Variants in ATR observed in about 807,000 individuals in gnomAD.
ATR encodes ATR checkpoint kinase, also known as serine/threonine-protein kinase ATR.
ATR carries 142 observed loss-of-function variants against 305.3 expected under a neutral mutation model. The ratio of observed to expected loss-of-function variants is 0.47; its 90% CI spans 0.41 to 0.53. The LOEUF is 0.53. ATR is among the 20% of genes least tolerant of loss of function. ATR has a pLI of 0.00. For synonymous variants in ATR, 1,050 were observed against 1,068.1 expected (o/e 0.98, Z 0.33); for missense variants, 2,135 against 3,133.1 (o/e 0.68, Z 7.60).
chr3:142,570,756 G>A (rs2035233700), intron 1 of ATR, among the ~76,000 whole-genome samples: 1 of 152,144 alleles, frequency 6.6e-6, no homozygotes, highest in African/African-American at 2.4e-5. Flanking sequence ...ATGCCTTTTG[G>A]ACTTTTAAAA....
chr3:142,568,103 C>T lies in ATR; in HGVS notation c.111G>A (p.Leu37=). Reference sequence around the variant, plus strand: ...TAAGTATCCGGTCAATGAATTGACACAGAATTTGTCTTGGCTTCTGTACAA... The same window carrying T: ...TAAGTATCCGGTCAATGAATTGACATAGAATTTGTCTTGGCTTCTGTACAA... ...NTVVQKPRQI[L]CQFIDRILTD... The change falls in exon 2 of 47, where the codon CTG becomes CTA. Residue 37 remains leucine, a synonymous_variant. Coordinates refer to ENST00000350721, the MANE Select transcript of ATR (RefSeq NM_001184.4). 1 of 1,612,640 alleles carries T rather than the reference C, an allele frequency of 6.2e-7. No individual in the cohort carries two copies. The highest frequency in any genetic ancestry group is 1.1e-5 in the South Asian group (1 of 90,806).
At chr3:142,512,230 A>G in intron 27 of ATR, 30 bp downstream of exon 27, 1 of 1,541,684 alleles carries the variant, frequency 6.5e-7, no homozygotes, top group Non-Finnish European at 8.8e-7. Flanking sequence ...TAAAAAAAAA[A>G]AAAAAAAAGA....
chr3:142,471,486 A>G (rs899058383), intron 36 of ATR, among the ~76,000 whole-genome samples: 26 of 152,204 alleles, frequency 1.7e-4, no homozygotes, highest in Admixed American at 1.5e-3. Flanking sequence ...TTCTACAACT[A>G]TAGAAGAAGT....
At chr3:142,506,032 A>C (rs2032217488) in intron 28 of ATR, among the ~76,000 whole-genome samples, 2 of 152,240 alleles carry the variant, frequency 1.3e-5, no homozygotes, top group South Asian at 2.1e-4. Flanking sequence ...AGGGCTGGGA[A>C]AAATTTACTG....
chr3:142,527,827 TC>T (rs1262675238), intron 21 of ATR, among the ~76,000 whole-genome samples: 2 of 152,210 alleles, frequency 1.3e-5, no homozygotes, highest in African/African-American at 4.8e-5. Context: ...CTATTTAATT[TC>T]AGAACATTTT....
At chr3:142,561,546 A>G in intron 4 of ATR, 125 bp from the exon 5 acceptor site, 1 of 953,066 alleles carries the variant, frequency 1.0e-6, no homozygotes, top group South Asian at 1.6e-5. Context: ...AGTCTCATAA[A>G]GCAAAATAAA....
At chr3:142,501,146 C>A (rs1175965636) in intron 30 of ATR, among the ~76,000 whole-genome samples, 2 of 152,064 alleles carry the variant, frequency 1.3e-5, no homozygotes, top group African/African-American at 4.8e-5. Context: ...GACACAGCAC[C>A]CCTTCATTGA....
At chr3:142,508,536 T>C (rs188220938) in intron 27 of ATR, among the ~76,000 whole-genome samples, 20 of 152,278 alleles carry the variant, frequency 1.3e-4, no homozygotes, top group African/African-American at 4.6e-4. Flanking sequence ...ACTTCAAAAC[T>C]ATGGAAATAA....
chr3:142,560,475 G>A (rs899686323), intron 5 of ATR, 21 bp from the exon 6 acceptor site: 2 of 1,557,468 alleles, frequency 1.3e-6, no homozygotes, highest in Non-Finnish European at 1.8e-6. Flanking sequence ...GAATATAGTA[G>A]AGAGATATTC....
At chr3:142,540,388 T>C (rs939214041) in intron 18 of ATR, among the ~76,000 whole-genome samples, 4 of 152,196 alleles carry the variant, frequency 2.6e-5, no homozygotes, top group Non-Finnish European at 5.9e-5. Flanking sequence ...TCTGGTCATA[T>C]ACAACATAAT....
intron 42 of ATR, among the ~76,000 whole-genome samples, chr3:142,461,025 C>T (rs1204956569): frequency 6.6e-6 from 1 of 152,140 alleles, no homozygotes; most frequent in African/African-American, 2.4e-5. Flanking sequence ...TCCAGGATTA[C>T]ACATTACATT....
intron 46 of ATR, chr3:142,451,527 C>G: frequency 1.4e-6 from 2 of 1,401,296 alleles, no homozygotes; most frequent in Non-Finnish European, 1.9e-6. Context: ...AAAGAGAACA[C>G]CAACACCTAT....
chr3:142,542,852 C>T, intron 16 of ATR, 95 bp from the exon 17 acceptor site: 1 of 1,035,446 alleles, frequency 9.7e-7, no homozygotes, highest in Admixed American at 2.1e-5. Flanking sequence ...TTATATTTTA[C>T]CTAACTAGAT....
At position 142,459,004 on chromosome 3, in the gene ATR, A is replaced by G. The variant is rs1159204278; in HGVS notation, c.7457T>C (p.Leu2486Ser). 6.2e-7 allele frequency: 1 copy of G among 1,613,968 alleles called. No individual in the cohort carries two copies. Among genetic ancestry groups the G allele is most frequent in the Admixed American group, 1.7e-5 (1 of 60,018 alleles). Residue 2486 changes from leucine (L) to serine (S), a missense_variant, in exon 44 of 47, where the codon TTG becomes TCG. Coordinates refer to ENST00000350721, the MANE Select transcript of ATR (RefSeq NM_001184.4). ...ATCTACATGTACGCATTCACCAGTC[A>G]AAGAATCAAAGAGAATATTTTCACC... Reference protein sequence around the residue: ...RHGENILFDSLTGECVHVDFN... With the variant: ...RHGENILFDSSTGECVHVDFN...
chr3:142,538,383 T>G, intron 19 of ATR, 99 bp downstream of exon 19: 1 of 1,335,978 alleles, frequency 7.5e-7, no homozygotes, highest in Non-Finnish European at 1.0e-6. Flanking sequence ...ACCCTGAAAT[T>G]CAAAAAAGTG....
In ATR at chr3:142,459,107, T is replaced by C. The variant is rs1182283354; in HGVS notation, c.7354A>G (p.Ser2452Gly). ...GAACGGCAGTAAGCTGATCTACTAC[T>C]GTACCTAAAAGAAACACAATGCCTA... ...RTFPDPTSWY[S>G]SRSAYCRSTA... The change falls in exon 44 of 47, where the codon AGT (serine) becomes GGT (glycine). Residue 2452 changes from serine to glycine, a missense_variant. This residue lies in a region of ATR where 462 missense variants were observed against 887.6 expected (regional missense o/e 0.52). Coordinates refer to ENST00000350721, the MANE Select transcript of ATR (RefSeq NM_001184.4). 1 of 1,613,994 alleles carries C rather than the reference T, an allele frequency of 6.2e-7. No individual in the cohort carries two copies. Among genetic ancestry groups the C allele is most frequent in the Non-Finnish European group, 8.5e-7 (1 of 1,179,888 alleles).
intron 21 of ATR, among the ~76,000 whole-genome samples, chr3:142,533,228 C>G (rs894870550): frequency 1.6e-4 from 24 of 152,148 alleles, no homozygotes; most frequent in African/African-American, 5.8e-4. Context: ...CCAGGAGTTT[C>G]AGGCTGCAGG....
intron 1 of ATR, among the ~76,000 whole-genome samples, chr3:142,577,541 C>T (rs2035479829): frequency 6.6e-6 from 1 of 152,180 alleles, no homozygotes; most frequent in Non-Finnish European, 1.5e-5. Context: ...GATGCAGTTA[C>T]GACAAGAATG....
Position 142,553,956 on chromosome 3 carries a change from C to T in ATR, c.2401G>A (p.Asp801Asn), listed in dbSNP as rs2034571621. 1.6e-5 allele frequency: 25 copies of T among 1,609,970 alleles called. No homozygotes were observed. The highest frequency in any genetic ancestry group is 2.1e-5 in the Non-Finnish European group (25 of 1,178,440). ...AAAGTTCCAAGAACTGCTTTTACAT[C>T]TGTTTCATCTTCTCTAAAATCAAGA... ...KHLDFREDET[D>N]VKAVLGTLLN... Residue 801 changes from aspartate (D) to asparagine (N), a missense_variant, in exon 11 of 47, where the codon GAT becomes AAT. Asp to Asn is a conservative substitution (Grantham distance 23, BLOSUM62 1). Around this residue, in one of 9 missense-constraint regions of ATR, gnomAD observed 530 missense variants for 766.8 expected, o/e 0.69. Coordinates refer to ENST00000350721, the MANE Select transcript of ATR (RefSeq NM_001184.4).
Sources: allele counts gnomAD v4.1 joint callset (sites outside exome capture counted in the v4.1 genomes callset), GRCh38; gene constraint gnomAD v4.1.1; regional missense constraint gnomAD v4.1.1; transcripts MANE v1.5; gene names NCBI Gene and HGNC (gene_info 2026-07-23, HGNC 2026-07-21).